Variants in KIAA1217 observed in about 807,000 individuals in gnomAD.
KIAA1217 encodes KIAA1217.
A neutral mutation model predicts 163.9 loss-of-function variants in KIAA1217; 88 were observed. The observed-to-expected ratio is 0.54, with a 90% confidence interval of 0.45 to 0.64. KIAA1217 has a LOEUF of 0.64. KIAA1217 is among the 30% of genes least tolerant of loss of function. The pLI is 0.00. For missense variants in KIAA1217, 2,372 were observed against 2,475.0 expected, an observed-to-expected ratio of 0.96 and a Z score of 0.88; for synonymous variants, 903 against 923.1, an observed-to-expected ratio of 0.98 and a Z score of 0.39.
chr10:24,447,689 T>A (rs149554185), intron 5 of KIAA1217, among the ~76,000 whole-genome samples: 37 of 152,312 alleles, frequency 2.4e-4, no homozygotes, highest in Admixed American at 7.8e-4. Flanking sequence ...ATTAGTGCCT[T>A]ATCTACTAAG....
At chr10:24,067,072 T>G (rs2131617299) in intron 2 of KIAA1217, among the ~76,000 whole-genome samples, 1 of 152,324 alleles carries the variant, frequency 6.6e-6, no homozygotes, top group African/African-American at 2.4e-5. Context: ...TTTTAACTTC[T>G]TTGCCATTGG....
chr10:24,458,123 G>A (rs1370059250), intron 5 of KIAA1217, among the ~76,000 whole-genome samples: 1 of 152,242 alleles, frequency 6.6e-6, no homozygotes, highest in Non-Finnish European at 1.5e-5. Context: ...CGTGGGCAGA[G>A]ATGCCTGCCA....
chr10:24,277,945 C>T (rs2077489300), intron 2 of KIAA1217, among the ~76,000 whole-genome samples: 1 of 152,250 alleles, frequency 6.6e-6, no homozygotes. Context: ...GAAAGCAGTG[C>T]TTGCTGGCTT....
chr10:24,544,573 G>T lies in KIAA1217; in HGVS notation c.5211+92G>T. 6 of 1,435,270 alleles carry T rather than the reference G, an allele frequency of 4.2e-6. No homozygotes were observed. In the South Asian group the frequency reaches 4.6e-5, roughly 11 times the overall value. 88.9% of individuals were successfully genotyped at this position (1,435,270 alleles called of 1,614,324 possible). ...GTGAAAGGTGTCTTGTAACTTAATT[G>T]CTTTCTTTCAGGTGGCTTTTTTTTT... On this transcript the variant is annotated intron_variant, in intron 19 of 20. Coordinates refer to ENST00000376454, the MANE Select transcript of KIAA1217 (RefSeq NM_019590.5).
rs75426825 is a variant in KIAA1217 at position 24,075,079 on chromosome 10, G to T, written c.-171+67705G>T. On this transcript the variant is annotated intron_variant, in intron 2 of 18. Coordinates refer to the KIAA1217 transcript ENST00000376462. Reference sequence around the variant, plus strand: ...GCTCTACATGATAAAACCTCTTGCAGGATCAAGAAAGCTGAGAAAGTCCTT... The same window carrying T: ...GCTCTACATGATAAAACCTCTTGCATGATCAAGAAAGCTGAGAAAGTCCTT... Among the ~76,000 whole-genome samples the T allele has an allele frequency of 2.8e-3, 426 of 150,144 alleles. 4 individuals are homozygous for T. Among genetic ancestry groups the T allele is most frequent in the African/African-American group, 9.6e-3 (392 of 40,908 alleles).
intron 2 of KIAA1217, among the ~76,000 whole-genome samples, chr10:24,095,864 G>C (rs1273518372): frequency 2.0e-5 from 3 of 152,180 alleles, no homozygotes; most frequent in Admixed American, 1.3e-4. Context: ...CCGGCACTTT[G>C]GGAGGCCAAG....
At chr10:24,145,167 C>T (rs1303482429) in intron 2 of KIAA1217, among the ~76,000 whole-genome samples, 1 of 152,254 alleles carries the variant, frequency 6.6e-6, no homozygotes, top group Non-Finnish European at 1.5e-5. Context: ...GACACCTCCT[C>T]TGTGGTTCAT....
At chr10:24,020,930 G>A (rs1847705004) in intron 2 of KIAA1217, among the ~76,000 whole-genome samples, 1 of 151,898 alleles carries the variant, frequency 6.6e-6, no homozygotes, top group East Asian at 1.9e-4. Context: ...TCAACAAAAT[G>A]GAACAAAGTA....
At chr10:23,782,951 A>G (rs1231183703) in intron 1 of KIAA1217, among the ~76,000 whole-genome samples, 1 of 152,204 alleles carries the variant, frequency 6.6e-6, no homozygotes, top group African/African-American at 2.4e-5. Context: ...TCCCCCATTA[A>G]TTATTATGTT....
chr10:24,400,031 G>T (rs1030247765), intron 3 of KIAA1217, among the ~76,000 whole-genome samples: 2 of 152,190 alleles, frequency 1.3e-5, no homozygotes, highest in African/African-American at 4.8e-5. Flanking sequence ...ACAGGAAAAT[G>T]AACAGATAGA....
intron 2 of KIAA1217, among the ~76,000 whole-genome samples, chr10:24,136,673 C>T (rs1409271596): frequency 1.3e-5 from 2 of 152,148 alleles, no homozygotes; most frequent in East Asian, 3.8e-4. Context: ...TCATGCAAAG[C>T]AACAGCCTCC....
intron 1 of KIAA1217, among the ~76,000 whole-genome samples, chr10:23,897,402 C>G (rs1265825815): frequency 6.6e-6 from 1 of 152,092 alleles, no homozygotes; most frequent in African/African-American, 2.4e-5. Flanking sequence ...TTTGCCCTGT[C>G]TCTCTGCTCT....
intron 16 of KIAA1217, among the ~76,000 whole-genome samples, chr10:24,535,898 G>A (rs2073936559): frequency 6.6e-6 from 1 of 152,074 alleles, no homozygotes; most frequent in Admixed American, 6.6e-5. Context: ...TGTATTCTCT[G>A]AGTGGGGTCT....
intron 1 of KIAA1217, among the ~76,000 whole-genome samples, chr10:23,872,002 T>C (rs1840477973): frequency 6.6e-6 from 1 of 152,100 alleles, no homozygotes; most frequent in East Asian, 1.9e-4. Flanking sequence ...TTCTCCATTT[T>C]TATTCAGCTT....
intron 3 of KIAA1217, among the ~76,000 whole-genome samples, chr10:24,390,272 C>A (rs1222992773): frequency 1.3e-5 from 2 of 152,062 alleles, no homozygotes; most frequent in African/African-American, 4.8e-5. Flanking sequence ...GGAGGCTTGG[C>A]AGGGAGCTGT....
intron 2 of KIAA1217, among the ~76,000 whole-genome samples, chr10:24,373,148 A>G (rs895859662): frequency 3.9e-5 from 6 of 152,134 alleles, no homozygotes; most frequent in Admixed American, 3.3e-4. Flanking sequence ...ACCTTTGCCA[A>G]GTATCCTAAG....
chr10:24,175,731 G>A (rs2065853095), intron 2 of KIAA1217, among the ~76,000 whole-genome samples: 1 of 152,104 alleles, frequency 6.6e-6, no homozygotes, highest in South Asian at 2.1e-4. Flanking sequence ...GTGGGTTCAT[G>A]GTCTTGCTAG....
chr10:24,275,604 A>T, intron 2 of KIAA1217: 2 of 460,978 alleles, frequency 4.3e-6, no homozygotes, highest in Admixed American at 4.8e-5. Flanking sequence ...ATCTGCTAGT[A>T]ATGAGGACTG....
At chr10:23,853,675 A>T (rs1410182632) in intron 1 of KIAA1217, among the ~76,000 whole-genome samples, 2 of 152,172 alleles carry the variant, frequency 1.3e-5, no homozygotes, top group Non-Finnish European at 2.9e-5. Flanking sequence ...GCTATTGATT[A>T]TTGCCACAAT....
Sources: gnomAD v4.1 joint callset for allele counts (sites outside exome capture counted in the v4.1 genomes callset) on GRCh38, gnomAD v4.1.1 for gene constraint, MANE v1.5 for transcripts, NCBI Gene and HGNC (gene_info 2026-07-23, HGNC 2026-07-21) for gene names.